The following TPX2 variants were observed in gnomAD, a reference collection of about 807,000 sequenced individuals.
TPX2 encodes the protein TPX2 microtubule nucleation factor, also known as targeting protein for Xklp2.
TPX2 carries 21 observed loss-of-function variants against 93.6 expected under a neutral mutation model. That is an observed-to-expected ratio of 0.22 (90% CI 0.16 to 0.32). The LOEUF (loss-of-function observed/expected upper bound fraction) is 0.32, where lower values mean the gene tolerates loss of function less well. TPX2 is among the 10% of genes least tolerant of loss of function. The probability of loss-of-function intolerance (pLI) is 1.00; values close to 1 mark genes in which losing one functional copy is unlikely to be tolerated. For synonymous variants in TPX2, 281 were observed against 298.3 expected (o/e 0.94, Z 0.60); for missense variants, 776 against 871.1 (o/e 0.89, Z 1.37).
intron 10 of TPX2, among the ~76,000 whole-genome samples, chr20:31,781,419 C>T (rs968555472): frequency 6.6e-6 from 1 of 151,662 alleles, no homozygotes; most frequent in Non-Finnish European, 1.5e-5. Context: ...GCGCCTGCCA[C>T]CACGCCCGGT....
rs13044019 is a variant in TPX2 at position 31,766,614 on chromosome 20, G to T, written c.288G>T (p.Pro96=). The T allele has an allele frequency of 5.9e-5, 95 of 1,613,388 alleles. No homozygotes were observed. Among genetic ancestry groups the T allele is most frequent in the Non-Finnish European group, 7.5e-5 (88 of 1,179,856 alleles). Residue 96 remains proline (P), a synonymous_variant, in exon 5 of 18, where the codon CCG becomes CCT. Coordinates refer to ENST00000300403, the MANE Select transcript of TPX2 (RefSeq NM_012112.5). The part of the protein sequence containing the change: ...EKENLVEQSI[P]SNACSSLEVE... ...AAAATCTTGTGGAACAATCCATTCC[G>T]TCAAATGCTTGTTCTTCCCTGGAAG... is the stretch of plus-strand genomic sequence containing the variant.
At chr20:31,779,048 T>C (rs2062018831) in intron 10 of TPX2, 64 bp downstream of exon 10, 1 of 1,466,158 alleles carries the variant, frequency 6.8e-7, no homozygotes, top group Non-Finnish European at 9.1e-7. Flanking sequence ...GCTTACATCT[T>C]AGGCACAGAT....
intron 15 of TPX2, among the ~76,000 whole-genome samples, chr20:31,795,811 T>A (rs1183052957): frequency 6.6e-6 from 1 of 152,272 alleles, no homozygotes; most frequent in Admixed American, 6.5e-5. Flanking sequence ...TTTGCTGATT[T>A]AATTGGGATC....
intron 17 of TPX2, among the ~76,000 whole-genome samples, chr20:31,799,035 G>A (rs574086973): frequency 6.6e-6 from 1 of 152,282 alleles, no homozygotes; most frequent in Non-Finnish European, 1.5e-5. Context: ...AATTAGACAA[G>A]AATACATAGC....
chr20:31,796,315 C>T lies in TPX2; in HGVS notation c.1834-1089C>T, dbSNP rs559113585. ...CTTTGAAACAAATTCTATGTAACAT[C>T]CCTTTTCATCCAAAAATACTTCAGT... On this transcript the variant is annotated intron_variant, in intron 15 of 17. Coordinates refer to ENST00000300403, the MANE Select transcript of TPX2 (RefSeq NM_012112.5). Among the ~76,000 whole-genome samples the T allele has an allele frequency of 2.6e-5, 4 of 152,254 alleles. No homozygotes were observed. The East Asian group carries it at 5.8e-4, about 22-fold the overall frequency.
chr20:31,759,983 G>T (rs1224638313), intron 3 of TPX2, 74 bp from the exon 4 acceptor site: 34 of 1,577,902 alleles, frequency 2.2e-5, no homozygotes, highest in Non-Finnish European at 2.8e-5. Flanking sequence ...GCTTTAGTTT[G>T]CATTTTAAAT....
At chr20:31,740,022 T>A (rs1312726431) in intron 1 of TPX2, among the ~76,000 whole-genome samples, 1 of 152,238 alleles carries the variant, frequency 6.6e-6, no homozygotes, top group Non-Finnish European at 1.5e-5. Flanking sequence ...TTATCCATAT[T>A]TGTCCAGCTC....
In TPX2 at chr20:31,759,981, T is replaced by C. The variant is rs562625658; in HGVS notation, c.107-76T>C. On this transcript the variant is annotated intron_variant, in intron 3 of 17. Coordinates refer to ENST00000300403, the MANE Select transcript of TPX2 (RefSeq NM_012112.5). ...AAGTGTACTGGTAGGGAGCTTTAGT[T>C]TGCATTTTAAATGCGTGATAGTGAT... The C allele has an allele frequency of 2.5e-6, 4 of 1,578,160 alleles. No individual in the cohort carries two copies. In the African/African-American group the frequency reaches 5.5e-5, roughly 22 times the overall value.
intron 9 of TPX2, 78 bp from the exon 10 acceptor site, chr20:31,778,735 T>G: frequency 7.3e-7 from 1 of 1,362,138 alleles, no homozygotes; most frequent in South Asian, 1.6e-5. Context: ...ATTGATCCTC[T>G]GTGCCGAATA....
At chr20:31,776,758 G>A (rs553917211) in intron 8 of TPX2, among the ~76,000 whole-genome samples, 3 of 151,028 alleles carry the variant, frequency 2.0e-5, no homozygotes, top group South Asian at 2.1e-4. Context: ...AGCTCCTGGC[G>A]TCAGGTGATC....
intron 2 of TPX2, 50 bp from the exon 3 acceptor site, chr20:31,757,357 G>T: frequency 1.3e-6 from 1 of 797,096 alleles, no homozygotes; most frequent in South Asian, 1.8e-5. Context: ...TAAAACCAAA[G>T]TAATGATGGG....
At chr20:31,790,921 C>G (rs2062096563) in intron 12 of TPX2, among the ~76,000 whole-genome samples, 1 of 151,980 alleles carries the variant, frequency 6.6e-6, no homozygotes, top group African/African-American at 2.4e-5. Flanking sequence ...TTCTGTAGGT[C>G]CTGGGAGTGG....
chr20:31,781,352 G>A (rs1325362290), intron 10 of TPX2, among the ~76,000 whole-genome samples: 2 of 144,836 alleles, frequency 1.4e-5, no homozygotes, highest in East Asian at 2.1e-4. Flanking sequence ...TGCATGCTCC[G>A]CCTTCCAGGT....
chr20:31,800,881 AACAT>A, intron 17 of TPX2, 85 bp from the exon 18 acceptor site: 1 of 1,148,304 alleles, frequency 8.7e-7, no homozygotes, highest in Middle Eastern at 2.0e-4. Context: ...AAACTCTACA[AACAT>A]TTTCTCAAAA....
At chr20:31,785,123 A>G (rs1332323205) in intron 12 of TPX2, among the ~76,000 whole-genome samples, 2 of 152,226 alleles carry the variant, frequency 1.3e-5, no homozygotes, top group East Asian at 1.9e-4. Context: ...GATTATGCTT[A>G]GAAATGGTTC....
chr20:31,757,601 T>A lies in TPX2; in HGVS notation c.106+19T>A. 1 of 1,601,738 alleles carries A rather than the reference T, an allele frequency of 6.2e-7. No homozygotes were observed. Among genetic ancestry groups the A allele is most frequent in the Non-Finnish European group, 8.6e-7 (1 of 1,169,314 alleles). On this transcript the variant is annotated intron_variant, in intron 3 of 17. Transcript: ENST00000300403. The stretch of plus-strand genomic sequence containing the variant: ...TGGTTTGGTAAGTGCCTGCTTTCTC[T>A]GGCTATTTTAAGGATTAGTGGCTTG...
At chr20:31,788,331 T>C (rs994849451) in intron 12 of TPX2, among the ~76,000 whole-genome samples, 2 of 149,694 alleles carry the variant, frequency 1.3e-5, no homozygotes, top group African/African-American at 5.0e-5. Flanking sequence ...GGCAGGAGAA[T>C]TGCATGAACC....
chr20:31,759,996 G>A (rs1401200348), intron 3 of TPX2, 61 bp from the exon 4 acceptor site: 20 of 1,596,298 alleles, frequency 1.3e-5, no homozygotes, highest in African/African-American at 2.7e-5. Context: ...TTTTAAATGC[G>A]TGATAGTGAT....
intron 12 of TPX2, 39 bp downstream of exon 12, chr20:31,783,960 C>T: frequency 6.2e-7 from 1 of 1,600,708 alleles, no homozygotes; most frequent in South Asian, 1.1e-5. Context: ...AAGTGTACTG[C>T]TCATGACCAG....
Sources: allele counts gnomAD v4.1 joint callset (sites outside exome capture counted in the v4.1 genomes callset), GRCh38; gene constraint gnomAD v4.1.1; transcripts MANE v1.5; gene names NCBI Gene and HGNC (gene_info 2026-07-23, HGNC 2026-07-21).